The following MANBA variants were observed in gnomAD, a reference collection of about 807,000 sequenced individuals.
The protein encoded by MANBA is beta-mannosidase.
In MANBA, 83 loss-of-function variants were observed where a neutral mutation model predicts 111.1. The ratio of observed to expected loss-of-function variants is 0.75; its 90% CI spans 0.63 to 0.90. MANBA has a LOEUF of 0.90. Ranked by LOEUF, MANBA falls within the 40% of genes least tolerant of loss-of-function variation. The pLI is 0.00. For missense variants in MANBA, 1,036 were observed against 1,069.0 expected, an observed-to-expected ratio of 0.97 and a Z score of 0.43; for synonymous variants, 370 against 378.7, an observed-to-expected ratio of 0.98 and a Z score of 0.27.
chr4:102,742,674 C>T (rs1428757556), intron 1 of MANBA, among the ~76,000 whole-genome samples: 1 of 152,142 alleles, frequency 6.6e-6, no homozygotes, highest in Non-Finnish European at 1.5e-5. Context: ...GTGTGGATTA[C>T]CATGATGGTG....
At chr4:102,729,491 A>G (rs1722947628) in intron 1 of MANBA, 2 of 1,045,456 alleles carry the variant, frequency 1.9e-6, no homozygotes, top group Non-Finnish European at 3.0e-6. Context: ...TCCTCTTCAT[A>G]CAGCTGCTTG....
intron 16 of MANBA, chr4:102,633,549 T>C (rs2110186979): frequency 2.5e-6 from 1 of 397,744 alleles, no homozygotes; most frequent in East Asian, 3.6e-5. Flanking sequence ...TAGTCTATAT[T>C]AGCCCCGAAT....
chr4:102,660,877 C>G (rs2110212809), intron 11 of MANBA, among the ~76,000 whole-genome samples: 1 of 151,896 alleles, frequency 6.6e-6, no homozygotes, highest in African/African-American at 2.4e-5. Flanking sequence ...TTTAGAACCT[C>G]TCACCTCCCT....
chr4:102,639,948 G>A (rs369461301), intron 13 of MANBA, 91 bp from the exon 14 acceptor site: 8 of 1,459,814 alleles, frequency 5.5e-6, no homozygotes, highest in East Asian at 2.3e-5. Flanking sequence ...TTTGTTTTGG[G>A]TTTTTTCTTT....
chr4:102,754,018 G>GAAAAA, intron 1 of MANBA: 1 of 231,396 alleles, frequency 4.3e-6, no homozygotes, highest in South Asian at 3.7e-5. Context: ...AAAAAAAAAA[G>GAAAAA]AAAAAAAAAA....
At chr4:102,756,137 G>A (rs977047692) in intron 1 of MANBA, among the ~76,000 whole-genome samples, 1 of 152,204 alleles carries the variant, frequency 6.6e-6, no homozygotes, top group Non-Finnish European at 1.5e-5. Flanking sequence ...TATACCCAAA[G>A]TATTATAAAT....
At chr4:102,734,585 GC>G in intron 1 of MANBA, 8 of 1,606,992 alleles carry the variant, frequency 5.0e-6, no homozygotes, top group Non-Finnish European at 6.8e-6. Flanking sequence ...TGAACAAGAG[GC>G]CCAAGAAAGA....
intron 4 of MANBA, among the ~76,000 whole-genome samples, chr4:102,719,235 C>A (rs564787228): frequency 6.6e-6 from 1 of 152,172 alleles, no homozygotes; most frequent in Non-Finnish European, 1.5e-5. Flanking sequence ...TTACTCCTTG[C>A]TGGGAAAAGA....
chr4:102,749,500 T>G (rs531671505), intron 1 of MANBA, among the ~76,000 whole-genome samples: 1 of 152,246 alleles, frequency 6.6e-6, no homozygotes, highest in South Asian at 2.1e-4. Context: ...AAAAGTATAT[T>G]GTACTCATGT....
intron 1 of MANBA, among the ~76,000 whole-genome samples, chr4:102,748,551 G>A (rs532575278): frequency 7.1e-4 from 108 of 152,210 alleles, no homozygotes; most frequent in African/African-American, 2.4e-3. Flanking sequence ...GTTAATCATG[G>A]TTGTTTCTAT....
Position 102,723,077 on chromosome 4 carries a change from G to A in MANBA, c.379-36C>T, listed in dbSNP as rs1461584330. ...GGGAACAATCAGACAAACCCATGATGTGGAAGTAGTCTTGTGTGTAAAATT... is the reference window on the plus strand; with the variant it reads ...GGGAACAATCAGACAAACCCATGATATGGAAGTAGTCTTGTGTGTAAAATT... On this transcript the variant is annotated intron_variant, in intron 3 of 16. Transcript: ENST00000647097. 7 of 1,580,720 alleles carry A rather than the reference G, an allele frequency of 4.4e-6. No homozygotes were observed. The South Asian group carries it at 6.7e-5, about 15-fold the overall frequency.
intron 14 of MANBA, 77 bp from the exon 15 acceptor site, chr4:102,636,084 G>A: frequency 7.3e-7 from 1 of 1,361,980 alleles, no homozygotes. Flanking sequence ...CCAGCTGTTT[G>A]TGGCTCATCG....
At position 102,631,628 on chromosome 4, in the gene MANBA, A is replaced by G. The variant is rs1729377295; in HGVS notation, c.*429T>C. The stretch of plus-strand genomic sequence containing the variant: ...TTTCAATCGCCATTCCCTCTGAAAT[A>G]ATAACAAAGCACTTTATTTGAGTAT... On this transcript the variant is annotated 3_prime_UTR_variant, in exon 17 of 17. Transcript: ENST00000647097. 5 of 415,792 alleles carry G rather than the reference A, an allele frequency of 1.2e-5. No individual in the cohort carries two copies. Among genetic ancestry groups the G allele is most frequent in the Non-Finnish European group, 2.1e-5 (5 of 236,194 alleles). The allele number at this position is 415,792 out of a possible 1,614,324, so 25.8% of individuals were successfully genotyped here.
intron 5 of MANBA, among the ~76,000 whole-genome samples, chr4:102,704,354 T>C (rs1304093225): frequency 6.6e-6 from 1 of 152,116 alleles, no homozygotes; most frequent in Non-Finnish European, 1.5e-5. Flanking sequence ...ATTTTTTTTA[T>C]TTTTTGTAGA....
intron 7 of MANBA, among the ~76,000 whole-genome samples, chr4:102,688,386 T>TACACACACACACACAC (rs70937563): frequency 5.2e-4 from 73 of 140,568 alleles, no homozygotes; most frequent in Middle Eastern, 3.6e-3. Context: ...CCTCCCCCCT[T>TACACACACACACACAC]ACACACACAC....
chr4:102,661,336 C>G (rs1367664372), intron 11 of MANBA, among the ~76,000 whole-genome samples: 1 of 151,896 alleles, frequency 6.6e-6, no homozygotes, highest in African/African-American at 2.4e-5. Context: ...TTTTAACTGC[C>G]CAAGGTCTGA....
At chr4:102,726,783 C>G in intron 1 of MANBA, 100 bp from the exon 2 acceptor site, 6 of 717,702 alleles carry the variant, frequency 8.4e-6, no homozygotes, top group Non-Finnish European at 1.5e-5. Context: ...CTATTTATCA[C>G]CTAAAAATTA....
At chr4:102,671,490 ACT>A in intron 8 of MANBA, 92 bp from the exon 9 acceptor site, 1 of 766,044 alleles carries the variant, frequency 1.3e-6, no homozygotes, top group South Asian at 1.5e-5. Context: ...AGAAAAACAC[ACT>A]CTAAAATCAT....
chr4:102,673,934 C>T lies in MANBA; in HGVS notation c.1097G>A (p.Arg366Gln), dbSNP rs757289997. 39 of 1,610,738 alleles carry T rather than the reference C, an allele frequency of 2.4e-5. No individual in the cohort carries two copies. Among genetic ancestry groups the T allele is most frequent in the East Asian group, 8.9e-5 (4 of 44,824 alleles). The change falls in exon 8 of 17, where the codon CGA becomes CAA. Residue 366 changes from arginine (R) to glutamine (Q), a missense_variant. Physicochemically the swap from Arg to Gln is conservative, Grantham distance 43 (BLOSUM62 1). Transcript: ENST00000647097. ...AATAACTTACAACTCAGAGGTTACT[C>T]GGTCCTGGAATGAATCTGCTGGGAT... ...NWIPADSFQD[R>Q]VTSELLRLLL...
Sources: allele counts gnomAD v4.1 joint callset (sites outside exome capture counted in the v4.1 genomes callset), GRCh38; gene constraint gnomAD v4.1.1; transcripts MANE v1.5; gene names NCBI Gene and HGNC (gene_info 2026-07-23, HGNC 2026-07-21).